The following LCLAT1 variants were observed in gnomAD, a reference collection of about 807,000 sequenced individuals.
LCLAT1 encodes lysocardiolipin acyltransferase 1.
LCLAT1 carries 11 observed loss-of-function variants against 30.7 expected under a neutral mutation model. The observed-to-expected ratio is 0.36, with a 90% CI of 0.23 to 0.59. The LOEUF (loss-of-function observed/expected upper bound fraction) is 0.59, where lower values mean the gene tolerates loss of function less well. Ranked by LOEUF, LCLAT1 falls within the 20% of genes least tolerant of loss-of-function variation. LCLAT1 has a pLI of 0.77. For synonymous variants in LCLAT1, 155 were observed against 151.3 expected, an observed-to-expected ratio of 1.02 and a Z score of -0.18; for missense variants, 402 against 458.6, an observed-to-expected ratio of 0.88 and a Z score of 1.13.
chr2:30,608,560 T>C (rs1667578615), intron 5 of LCLAT1, among the ~76,000 whole-genome samples: 1 of 152,036 alleles, frequency 6.6e-6, no homozygotes, highest in African/African-American at 2.4e-5. Flanking sequence ...TTTTATCTTT[T>C]ATACTGTATT....
chr2:30,499,276 G>T (rs933018168), intron 1 of LCLAT1, among the ~76,000 whole-genome samples: 1 of 152,178 alleles, frequency 6.6e-6, no homozygotes, highest in Non-Finnish European at 1.5e-5. Flanking sequence ...CACCTCCTGG[G>T]TTTAAGCGAT....
At chr2:30,466,608 A>AT (rs1432716080) in intron 1 of LCLAT1, among the ~76,000 whole-genome samples, 1 of 152,018 alleles carries the variant, frequency 6.6e-6, no homozygotes, top group East Asian at 1.9e-4. Context: ...ATGTCTTTAT[A>AT]TTTTTTCTAA....
chr2:30,638,037 A>G (rs1326819238), intron 5 of LCLAT1, among the ~76,000 whole-genome samples: 1 of 152,200 alleles, frequency 6.6e-6, no homozygotes, highest in Admixed American at 6.5e-5. Context: ...CTTTGAATCT[A>G]AGCCTGTTGA....
rs147338077 is a variant in LCLAT1 at position 30,517,965 on chromosome 2, T to A, written c.-4-7622T>A. ...GGCCACTGACAACCCGTAGCCTTCC[T>A]ATCAAAAATCCTTAACCCAATAACC... On this transcript the variant is annotated intron_variant, in intron 1 of 5. Transcript: ENST00000379509. Among the ~76,000 whole-genome samples, 430 of 152,312 alleles carry A rather than the reference T, an allele frequency of 2.8e-3. 3 individuals are homozygous for A. Among genetic ancestry groups the A allele is most frequent in the African/African-American group, 9.8e-3 (408 of 41,576 alleles).
chr2:30,488,112 A>G (rs577318917), intron 1 of LCLAT1, among the ~76,000 whole-genome samples: 1 of 152,386 alleles, frequency 6.6e-6, no homozygotes, highest in East Asian at 1.9e-4. Flanking sequence ...GCATCAACCC[A>G]GGGAAAAACC....
chr2:30,548,697 A>G (rs1664540961), intron 3 of LCLAT1, among the ~76,000 whole-genome samples: 3 of 152,194 alleles, frequency 2.0e-5, no homozygotes, highest in Non-Finnish European at 1.5e-5. Flanking sequence ...AAATAAAGGG[A>G]TAAGGGGATT....
intron 5 of LCLAT1, among the ~76,000 whole-genome samples, chr2:30,569,985 T>TA (rs1397339522): frequency 6.6e-6 from 1 of 152,152 alleles, no homozygotes; most frequent in Non-Finnish European, 1.5e-5. Context: ...TTTAATTTGA[T>TA]ACCATTTACT....
At chr2:30,520,433 G>T (rs1685421548) in intron 1 of LCLAT1, among the ~76,000 whole-genome samples, 1 of 152,184 alleles carries the variant, frequency 6.6e-6, no homozygotes, top group South Asian at 2.1e-4. Context: ...TACATGGCTT[G>T]AAAAGGAAGC....
At chr2:30,479,132 A>G (rs1474912317) in intron 1 of LCLAT1, among the ~76,000 whole-genome samples, 2 of 152,342 alleles carry the variant, frequency 1.3e-5, no homozygotes, top group East Asian at 3.9e-4. Flanking sequence ...GCAAGAAGAA[A>G]CAATTGTGGC....
chr2:30,534,513 C>T (rs912228844), intron 3 of LCLAT1, among the ~76,000 whole-genome samples: 6 of 152,148 alleles, frequency 3.9e-5, no homozygotes, highest in Admixed American at 6.5e-5. Context: ...CTCCTGACCT[C>T]GTAAGCCGCC....
chr2:30,523,462 C>G (rs1188917890), intron 1 of LCLAT1, among the ~76,000 whole-genome samples: 1 of 152,160 alleles, frequency 6.6e-6, no homozygotes, highest in Non-Finnish European at 1.5e-5. Flanking sequence ...TCCGTTACCC[C>G]ACTTCTTTAA....
chr2:30,498,773 G>C (rs553593090), intron 1 of LCLAT1, among the ~76,000 whole-genome samples: 5 of 152,174 alleles, frequency 3.3e-5, no homozygotes, highest in African/African-American at 1.2e-4. Flanking sequence ...TTCTTTATAC[G>C]GTATTTCTCT....
intron 1 of LCLAT1, among the ~76,000 whole-genome samples, chr2:30,470,187 C>G (rs376063636): frequency 5.9e-5 from 9 of 152,190 alleles, no homozygotes; most frequent in African/African-American, 2.2e-4. Context: ...CACCAGAACA[C>G]GAGGTCTGAA....
At chr2:30,514,405 C>T (rs948862531) in intron 1 of LCLAT1, among the ~76,000 whole-genome samples, 5 of 152,208 alleles carry the variant, frequency 3.3e-5, no homozygotes, top group Admixed American at 3.3e-4. Flanking sequence ...TCATTAATTA[C>T]TACCTAAATG....
At chr2:30,462,142 A>T (rs1572475185) in intron 1 of LCLAT1, among the ~76,000 whole-genome samples, 1 of 152,022 alleles carries the variant, frequency 6.6e-6, no homozygotes, top group African/African-American at 2.4e-5. Flanking sequence ...GTAGGATAAA[A>T]CCCATTATTT....
chr2:30,458,425 T>C (rs1681939902), intron 1 of LCLAT1, among the ~76,000 whole-genome samples: 1 of 152,166 alleles, frequency 6.6e-6, no homozygotes, highest in South Asian at 2.1e-4. Flanking sequence ...TTGGGCATGC[T>C]CCTCAGGGAG....
intron 5 of LCLAT1, among the ~76,000 whole-genome samples, chr2:30,633,348 T>C (rs545013913): frequency 6.6e-6 from 1 of 152,306 alleles, no homozygotes; most frequent in South Asian, 2.1e-4. Context: ...AGAAAATAGA[T>C]TTTTATTTTA....
At chr2:30,618,660 G>A (rs13430781) in intron 5 of LCLAT1, among the ~76,000 whole-genome samples, 19,910 of 152,014 alleles carry the variant, frequency 0.13, 1,418 homozygotes, top group South Asian at 0.23. Flanking sequence ...CCCTCATGAC[G>A]TATGTTTACC....
chr2:30,607,203 T>A (rs1459481033), intron 5 of LCLAT1: 1 of 152,048 alleles, frequency 6.6e-6, no homozygotes, highest in Non-Finnish European at 1.5e-5. Flanking sequence ...GCCCGGCTAA[T>A]TTTTTTGTAT....
Sources: gnomAD v4.1 joint callset for allele counts (sites outside exome capture counted in the v4.1 genomes callset) on GRCh38, gnomAD v4.1.1 for gene constraint, MANE v1.5 for transcripts, NCBI Gene and HGNC (gene_info 2026-07-23, HGNC 2026-07-21) for gene names.